Variants in PDE1C observed in about 807,000 individuals in gnomAD.
The protein encoded by PDE1C is dual specificity calcium/calmodulin-dependent 3',5'-cyclic nucleotide phosphodiesterase 1C.
PDE1C carries 62 observed loss-of-function variants against 93.1 expected under a neutral mutation model. That is an observed-to-expected ratio of 0.67 (90% confidence interval 0.54 to 0.82). The LOEUF (loss-of-function observed/expected upper bound fraction) is 0.82, where lower values mean the gene tolerates loss of function less well. Among genes scored for constraint, PDE1C ranks in the 40% least tolerant of loss-of-function variants. PDE1C has a pLI of 0.00. For missense variants in PDE1C, 742 were observed against 884.6 expected, an observed-to-expected ratio of 0.84 and a Z score of 2.04; for synonymous variants, 325 against 310.1, an observed-to-expected ratio of 1.05 and a Z score of -0.50.
At chr7:31,734,063 A>C in the PDE1C span, among the ~76,000 whole-genome samples, 1 of 152,130 alleles carries the variant, frequency 6.6e-6, no homozygotes, top group African/African-American at 2.4e-5. Flanking sequence ...AAGAAGTAAT[A>C]AAACTACCCC....
chr7:31,690,153 C>T, the PDE1C span, among the ~76,000 whole-genome samples: 1 of 152,266 alleles, frequency 6.6e-6, no homozygotes, highest in Non-Finnish European at 1.5e-5. Flanking sequence ...CTGGACCTCC[C>T]GTGGCTAAGC....
chr7:31,860,589 T>C (rs1794579223), intron 7 of PDE1C, among the ~76,000 whole-genome samples: 1 of 152,202 alleles, frequency 6.6e-6, no homozygotes, highest in Non-Finnish European at 1.5e-5. Context: ...TTGTGTCATT[T>C]TCCTGATTCA....
At chr7:32,178,933 T>C (rs1004778254) in intron 2 of PDE1C, among the ~76,000 whole-genome samples, 5 of 152,232 alleles carry the variant, frequency 3.3e-5, no homozygotes, top group Middle Eastern at 3.2e-3. Context: ...TGCTGTGTGC[T>C]GGGCTCCACC....
At chr7:31,648,935 A>G in the PDE1C span, among the ~76,000 whole-genome samples, 1 of 152,234 alleles carries the variant, frequency 6.6e-6, no homozygotes, top group Non-Finnish European at 1.5e-5. Context: ...CTATGTCAGA[A>G]CACGTATCTA....
intron 17 of PDE1C, among the ~76,000 whole-genome samples, chr7:31,766,340 C>A (rs112541188): frequency 0.01 from 1,516 of 151,188 alleles, 16 homozygotes; most frequent in African/African-American, 0.034. Flanking sequence ...GCCGAGATGG[C>A]GCCACTGCAC....
chr7:32,009,926 T>C (rs1036172852), intron 2 of PDE1C, among the ~76,000 whole-genome samples: 1 of 152,164 alleles, frequency 6.6e-6, no homozygotes, highest in Non-Finnish European at 1.5e-5. Context: ...AAAAATACCA[T>C]CTATAGTCAT....
the PDE1C span, among the ~76,000 whole-genome samples, chr7:31,700,646 TG>T: frequency 1.3e-5 from 2 of 152,182 alleles, no homozygotes; most frequent in African/African-American, 4.8e-5. Flanking sequence ...CATTCATAGC[TG>T]GAAAGGAGAT....
At chr7:31,686,043 A>G in the PDE1C span, among the ~76,000 whole-genome samples, 1 of 152,228 alleles carries the variant, frequency 6.6e-6, no homozygotes, top group South Asian at 2.1e-4. Context: ...AGTGGCAAGC[A>G]GGCAGTTGAA....
At chr7:32,099,826 C>G (rs1417719008) in intron 3 of PDE1C, among the ~76,000 whole-genome samples, 3 of 152,190 alleles carry the variant, frequency 2.0e-5, no homozygotes, top group Non-Finnish European at 4.4e-5. Context: ...CACCCACTCT[C>G]TACATGGGTA....
intron 2 of PDE1C, among the ~76,000 whole-genome samples, chr7:32,031,155 T>C (rs894816708): frequency 6.6e-6 from 1 of 152,194 alleles, no homozygotes; most frequent in African/African-American, 2.4e-5. Context: ...GGATTGTCAT[T>C]TGAACATCAT....
At chr7:31,800,368 A>G (rs1381710752) in intron 16 of PDE1C, among the ~76,000 whole-genome samples, 1 of 151,570 alleles carries the variant, frequency 6.6e-6, no homozygotes, top group East Asian at 1.9e-4. Context: ...AGAAACTGAT[A>G]GTTTTACATT....
At chr7:31,629,194 A>G in the PDE1C span, among the ~76,000 whole-genome samples, 1 of 152,234 alleles carries the variant, frequency 6.6e-6, no homozygotes, top group Non-Finnish European at 1.5e-5. Flanking sequence ...CACATTTGCT[A>G]TTCAAAATCG....
chr7:32,156,434 G>A (rs890560393), intron 3 of PDE1C, among the ~76,000 whole-genome samples: 2 of 152,192 alleles, frequency 1.3e-5, no homozygotes, highest in Non-Finnish European at 2.9e-5. Flanking sequence ...CAGCAGGACA[G>A]GGAATTAGAC....
At chr7:32,408,848 A>G (rs934816349) in intron 1 of PDE1C, among the ~76,000 whole-genome samples, 2 of 152,218 alleles carry the variant, frequency 1.3e-5, no homozygotes, top group Non-Finnish European at 2.9e-5. Flanking sequence ...CTCTAAATTA[A>G]TAAAGTTTAA....
At chr7:31,859,510 C>T (rs1054242055) in intron 7 of PDE1C, among the ~76,000 whole-genome samples, 3 of 150,732 alleles carry the variant, frequency 2.0e-5, no homozygotes, top group Non-Finnish European at 4.4e-5. Context: ...GTTACAATAG[C>T]CTGTAATGTT....
chr7:31,921,807 C>A (rs550325810), intron 2 of PDE1C, among the ~76,000 whole-genome samples: 1 of 152,182 alleles, frequency 6.6e-6, no homozygotes, highest in East Asian at 1.9e-4. Context: ...TTATTAATAA[C>A]TTTTTTTAGC....
At chr7:32,401,034 T>A (rs904135421) in intron 1 of PDE1C, among the ~76,000 whole-genome samples, 1 of 152,266 alleles carries the variant, frequency 6.6e-6, no homozygotes, top group Non-Finnish European at 1.5e-5. Flanking sequence ...CGTATACTTT[T>A]CACACTTTGT....
At chr7:32,186,087 GTTTT>G (rs10561469) in intron 2 of PDE1C, among the ~76,000 whole-genome samples, 6,316 of 122,714 alleles carry the variant, frequency 0.051, 74 homozygotes, top group East Asian at 0.1. Flanking sequence ...TTGTTTTTTT[GTTTT>G]TTTTTTTTTT....
chr7:31,689,429 G>A, the PDE1C span, among the ~76,000 whole-genome samples: 3 of 152,162 alleles, frequency 2.0e-5, no homozygotes, highest in Admixed American at 1.3e-4. Flanking sequence ...ACAGGGAGAT[G>A]ATGAAACCTT....
Sources: gnomAD v4.1 joint callset for allele counts (sites outside exome capture counted in the v4.1 genomes callset) on GRCh38, gnomAD v4.1.1 for gene constraint, MANE v1.5 for transcripts, NCBI Gene and HGNC (gene_info 2026-07-23, HGNC 2026-07-21) for gene names.